RYR3: variants seen among roughly 807,000 people sequenced by gnomAD.
The protein encoded by RYR3 is ryanodine receptor 3.
In RYR3, 207 loss-of-function variants were observed where a neutral mutation model predicts 584.3. The ratio of observed to expected loss-of-function variants is 0.35; its 90% confidence interval spans 0.32 to 0.40. The LOEUF is 0.40. Ranked by LOEUF, RYR3 falls within the 10% of genes least tolerant of loss-of-function variation. The pLI, the probability that RYR3 is intolerant of heterozygous loss-of-function variation, is 1.00. For missense variants in RYR3, 5,616 were observed against 6,089.2 expected (o/e 0.92, Z 2.59); for synonymous variants, 2,416 against 2,248.5 (o/e 1.07, Z -2.11).
chr15:33,848,636 G>A (rs2078879124), intron 94 of RYR3, among the ~76,000 whole-genome samples: 1 of 152,102 alleles, frequency 6.6e-6, no homozygotes, highest in African/African-American at 2.4e-5. Context: ...TTATCAGAAA[G>A]TACTGAATAT....
intron 10 of RYR3, among the ~76,000 whole-genome samples, chr15:33,559,087 A>G (rs1236209177): frequency 6.6e-6 from 1 of 152,064 alleles, no homozygotes; most frequent in Admixed American, 6.5e-5. Flanking sequence ...GGGGGTCCAG[A>G]GGGTAAAGGA....
intron 2 of RYR3, among the ~76,000 whole-genome samples, chr15:33,491,967 C>A (rs937982932): frequency 5.3e-5 from 8 of 152,184 alleles, no homozygotes; most frequent in Admixed American, 2.0e-4. Flanking sequence ...TGAACACTTT[C>A]ATTTTACCCA....
In RYR3 at chr15:33,603,126, C is replaced by A; in HGVS notation, c.1926C>A (p.Ile642=). The A allele has an allele frequency of 6.2e-7, 1 of 1,613,574 alleles. No homozygotes were observed. The highest frequency in any genetic ancestry group is 8.5e-7 in the Non-Finnish European group (1 of 1,179,644). The change falls in exon 18 of 104, where the codon ATC becomes ATA. Residue 642 remains isoleucine, a synonymous_variant. Coordinates refer to ENST00000634891, the MANE Select transcript of RYR3 (RefSeq NM_001036.6). Reference sequence around the variant, plus strand: ...ACTTGCCCATGTTTACTTTCAGTATCCGGCCAAACATCTTCCTGGGAGTCG... The same window carrying A: ...ACTTGCCCATGTTTACTTTCAGTATACGGCCAAACATCTTCCTGGGAGTCG... ...QTRLINDVTS[I]RPNIFLGVAE...
At chr15:33,535,775 T>G (rs898883258) in intron 5 of RYR3, among the ~76,000 whole-genome samples, 3 of 152,196 alleles carry the variant, frequency 2.0e-5, no homozygotes, top group African/African-American at 7.2e-5. Context: ...CATTACTCTT[T>G]TCATCAGTTT....
intron 12 of RYR3, among the ~76,000 whole-genome samples, chr15:33,568,377 A>G (rs558000457): frequency 1.1e-4 from 16 of 152,226 alleles, no homozygotes; most frequent in Non-Finnish European, 2.1e-4. Flanking sequence ...TGTGCCTGAC[A>G]ATGGGAAAAT....
intron 1 of RYR3, among the ~76,000 whole-genome samples, chr15:33,376,088 T>C (rs2040718371): frequency 6.6e-6 from 1 of 152,124 alleles, no homozygotes; most frequent in Admixed American, 6.5e-5. Context: ...ATAGAACATT[T>C]CTGTAAACCC....
chr15:33,712,174 C>T (rs945012792), intron 43 of RYR3, among the ~76,000 whole-genome samples: 6 of 152,074 alleles, frequency 3.9e-5, no homozygotes, highest in Admixed American at 2.6e-4. Context: ...TTTAAATGGC[C>T]AGATCTCTTA....
intron 2 of RYR3, among the ~76,000 whole-genome samples, chr15:33,497,015 C>G (rs2051499428): frequency 6.6e-6 from 1 of 152,120 alleles, no homozygotes; most frequent in Non-Finnish European, 1.5e-5. Context: ...TACATTGTTT[C>G]CTTCTCTAAG....
At chr15:33,743,823 A>G (rs772273364) in intron 52 of RYR3, among the ~76,000 whole-genome samples, 1 of 152,256 alleles carries the variant, frequency 6.6e-6, no homozygotes, top group African/African-American at 2.4e-5. Flanking sequence ...TCATACTGCA[A>G]GCAAGTCAGA....
intron 1 of RYR3, among the ~76,000 whole-genome samples, chr15:33,413,394 C>G (rs2043548779): frequency 6.6e-6 from 1 of 152,188 alleles, no homozygotes; most frequent in African/African-American, 2.4e-5. Context: ...GAAAACAGTC[C>G]AATTCCTAGT....
intron 38 of RYR3, among the ~76,000 whole-genome samples, chr15:33,678,647 A>C (rs1234538548): frequency 6.6e-6 from 1 of 152,224 alleles, no homozygotes; most frequent in East Asian, 1.9e-4. Flanking sequence ...GCCGATATAG[A>C]AAGATAGAAG....
intron 10 of RYR3, among the ~76,000 whole-genome samples, chr15:33,554,479 G>T (rs537103709): frequency 6.6e-6 from 1 of 151,960 alleles, no homozygotes; most frequent in African/African-American, 2.4e-5. Context: ...TGTATTTTTA[G>T]TAGAGACGGG....
chr15:33,649,032 G>A, intron 30 of RYR3, 40 bp from the exon 31 acceptor site: 1 of 1,578,572 alleles, frequency 6.3e-7, no homozygotes, highest in Non-Finnish European at 8.7e-7. Context: ...ACTGGATGGG[G>A]GCTGGGGGCC....
At chr15:33,582,193 A>G (rs986161863) in intron 14 of RYR3, among the ~76,000 whole-genome samples, 3 of 152,204 alleles carry the variant, frequency 2.0e-5, no homozygotes, top group Non-Finnish European at 4.4e-5. Flanking sequence ...GGTTCCATCC[A>G]ATAGGCCTAG....
chr15:33,845,068 C>T lies in RYR3; in HGVS notation c.13497+6C>T, dbSNP rs116123066. The T allele has an allele frequency of 8.2e-4, 1,325 of 1,613,400 alleles. 12 individuals are homozygous for T. In the African/African-American group the frequency reaches 0.014, roughly 17 times the overall value. On this transcript the variant is annotated splice_donor_region_variant and intron_variant, in intron 93 of 103. Transcript: ENST00000634891. Reference sequence around the variant, plus strand: ...TGGGCTACTACTGCCTGAAGGTGAGCTGTTTGCCACTCTGGATCTAATCTC... The same window carrying T: ...TGGGCTACTACTGCCTGAAGGTGAGTTGTTTGCCACTCTGGATCTAATCTC...
chr15:33,833,420 A>G (rs1422090249), intron 86 of RYR3, among the ~76,000 whole-genome samples: 1 of 152,248 alleles, frequency 6.6e-6, no homozygotes, highest in Admixed American at 6.5e-5. Context: ...GCTCATTAAA[A>G]GAAACACAAA....
chr15:33,548,239 T>C (rs949909203), intron 9 of RYR3, 35 bp downstream of exon 9: 11 of 1,372,450 alleles, frequency 8.0e-6, no homozygotes, highest in Non-Finnish European at 1.1e-5. Flanking sequence ...TTTTCAAGAT[T>C]ACTTTCTTTT....
intron 2 of RYR3, among the ~76,000 whole-genome samples, chr15:33,474,312 AGT>A (rs1356114376): frequency 6.6e-6 from 1 of 152,144 alleles, no homozygotes; most frequent in Non-Finnish European, 1.5e-5. Flanking sequence ...TAAGTATATA[AGT>A]GTATAGAGAT....
rs1335338878 is a variant in RYR3 at position 33,633,055 on chromosome 15, A to G, written c.2974A>G (p.Asn992Asp). Residue 992 changes from asparagine to aspartate, a missense_variant, in exon 24 of 104, where the codon AAT becomes GAT. Around this residue, in one of 9 missense-constraint regions of RYR3, gnomAD observed 1,284 missense variants for 1,344.6 expected, o/e 0.95. Transcript: ENST00000634891. ...GGATAAGCTTGCAGAAAATGCACAC[A>G]ATGTTTGGGCAAAAGACAGAATAAA... Reference protein sequence around the residue: ...LVDKLAENAHNVWAKDRIKQG... With the variant: ...LVDKLAENAHDVWAKDRIKQG... The G allele has an allele frequency of 1.9e-6, 3 of 1,613,918 alleles. No homozygotes were observed. Among genetic ancestry groups the G allele is most frequent in the Non-Finnish European group, 2.5e-6 (3 of 1,179,900 alleles).
Sources: gnomAD v4.1 joint callset for allele counts (sites outside exome capture counted in the v4.1 genomes callset) on GRCh38, gnomAD v4.1.1 for gene constraint, gnomAD v4.1.1 regional missense constraint, MANE v1.5 for transcripts, NCBI Gene and HGNC (gene_info 2026-07-23, HGNC 2026-07-21) for gene names.